Variants in ABI3BP observed in about 807,000 individuals in gnomAD.
The protein encoded by ABI3BP is ABI family member 3 binding protein.
ABI3BP carries 216 observed loss-of-function variants against 268.6 expected under a neutral mutation model. The observed-to-expected ratio is 0.80, with a 90% CI of 0.72 to 0.90. The LOEUF (loss-of-function observed/expected upper bound fraction) is 0.90, where lower values mean the gene tolerates loss of function less well. ABI3BP is among the 40% of genes least tolerant of loss of function. ABI3BP has a pLI of 0.00. For synonymous variants in ABI3BP, 730 were observed against 730.0 expected, an observed-to-expected ratio of 1.00 and a Z score of 0.00; for missense variants, 2,090 against 2,182.4, an observed-to-expected ratio of 0.96 and a Z score of 0.84.
intron 51 of ABI3BP, among the ~76,000 whole-genome samples, chr3:100,798,572 T>G (rs1163559388): frequency 1.2e-4 from 18 of 151,900 alleles, no homozygotes; most frequent in Non-Finnish European, 7.4e-5. Context: ...TTATTATAAT[T>G]TTAGATTTAA....
intron 2 of ABI3BP, chr3:100,911,188 C>T (rs1386458306): frequency 1.0e-5 from 4 of 395,030 alleles, no homozygotes; most frequent in Non-Finnish European, 1.9e-5. Context: ...ACTAGCTGGA[C>T]TAGCTTCAGG....
At chr3:100,948,905 T>C (rs1362042089) in intron 1 of ABI3BP, among the ~76,000 whole-genome samples, 1 of 152,176 alleles carries the variant, frequency 6.6e-6, no homozygotes, top group East Asian at 1.9e-4. Context: ...CTTGTACACA[T>C]TCATTTTAAT....
rs2152504280 is a variant in ABI3BP at position 100,812,480 on chromosome 3, T to C, written c.3408A>G (p.Pro1136=). 1 of 1,324,074 alleles carries C rather than the reference T, an allele frequency of 7.6e-7. No homozygotes were observed. Among genetic ancestry groups the C allele is most frequent in the Non-Finnish European group, 9.6e-7 (1 of 1,038,214 alleles). 82.0% of individuals were successfully genotyped at this position (1,324,074 alleles called of 1,614,324 possible). Residue 1136 remains proline, a synonymous_variant, in exon 46 of 68, where the codon CCA becomes CCG. Transcript: ENST00000471714. The part of the protein sequence containing the change: ...LESVTLSTES[P]KETIAPAKTD... ...GAACATTTTTACCTATGGTCTCCTT[T>C]GGTGACTCAGTACTAAGTGTAACCG...
intron 3 of ABI3BP, among the ~76,000 whole-genome samples, chr3:100,901,283 T>A (rs927294737): frequency 6.6e-6 from 1 of 152,202 alleles, no homozygotes; most frequent in African/African-American, 2.4e-5. Flanking sequence ...GGGAGGGAAT[T>A]GTGGCAACTA....
chr3:100,756,550 A>T (rs2095628218), intron 63 of ABI3BP, among the ~76,000 whole-genome samples: 1 of 152,186 alleles, frequency 6.6e-6, no homozygotes, highest in South Asian at 2.1e-4. Flanking sequence ...CAAAACAAAA[A>T]AGCCCATAGA....
Position 100,769,459 on chromosome 3 carries a change from A to G in ABI3BP, c.4741+1284T>C, listed in dbSNP as rs78507286. Among the ~76,000 whole-genome samples, 247 of 152,330 alleles carry G rather than the reference A, an allele frequency of 1.6e-3. 7 individuals carry two copies. The East Asian group carries it at 0.045, about 28-fold the overall frequency. ...AGAAAGGCCAATTCTTCAGCTTAAT[A>G]AAGTTACATCGGATATTATGAATAT... On this transcript the variant is annotated intron_variant, in intron 62 of 67. Coordinates refer to ENST00000471714, the MANE Select transcript of ABI3BP (RefSeq NM_001375547.2).
intron 20 of ABI3BP, among the ~76,000 whole-genome samples, chr3:100,843,106 T>C (rs2098725166): frequency 1.3e-5 from 2 of 152,134 alleles, no homozygotes; most frequent in Non-Finnish European, 2.9e-5. Context: ...ACTACTTCAA[T>C]GGAAAAATAT....
intron 50 of ABI3BP, 84 bp from the exon 51 acceptor site, chr3:100,804,950 G>A (rs2097660331): frequency 9.2e-7 from 1 of 1,089,530 alleles, no homozygotes; most frequent in Non-Finnish European, 1.4e-6. Flanking sequence ...TCAAGGTGTA[G>A]CCTGAACACT....
intron 1 of ABI3BP, among the ~76,000 whole-genome samples, chr3:100,954,605 C>T (rs973026235): frequency 6.6e-6 from 1 of 152,084 alleles, no homozygotes; most frequent in Admixed American, 6.5e-5. Flanking sequence ...AGGTACTTTA[C>T]AATATAAGTC....
At position 100,931,510 on chromosome 3, in the gene ABI3BP, G is replaced by A. The variant is rs115079229; in HGVS notation, c.80-5029C>T. On this transcript the variant is annotated intron_variant, in intron 1 of 67. Transcript: ENST00000471714. ...TGATAAACAACTTCAGCAAGTTTCA[G>A]GATACAAAATCAATGGACAAAAATT... Among the ~76,000 whole-genome samples, 1,009 of 152,104 alleles carry A rather than the reference G, an allele frequency of 6.6e-3. 8 individuals carry two copies. Among genetic ancestry groups the A allele is most frequent in the African/African-American group, 0.021 (875 of 41,520 alleles).
Position 100,792,717 on chromosome 3 carries a change from G to T in ABI3BP, c.3998C>A (p.Thr1333Lys). The T allele has an allele frequency of 6.2e-7, 1 of 1,611,598 alleles. No individual in the cohort carries two copies. The highest frequency in any genetic ancestry group is 1.1e-5 in the South Asian group (1 of 91,008). Residue 1333 changes from threonine to lysine, a missense_variant, in exon 55 of 68, where the codon ACA becomes AAA. Thr to Lys is a moderately conservative substitution (Grantham distance 78). Transcript: ENST00000471714. ...QEPFTTKIPR[T>K]TELAKTTQAP... The stretch of plus-strand genomic sequence containing the variant: ...CTGAGTTGTCTTTGCTAGTTCAGTT[G>T]TTCGTGGAATCTTAGTTGTGAAAGG...
chr3:100,840,720 G>T, intron 22 of ABI3BP, 100 bp downstream of exon 22: 1 of 1,050,664 alleles, frequency 9.5e-7, no homozygotes, highest in Non-Finnish European at 1.4e-6. Flanking sequence ...CACACACAAA[G>T]GGACATTAAT....
chr3:100,981,109 A>G (rs962293841), intron 1 of ABI3BP, among the ~76,000 whole-genome samples: 2 of 152,228 alleles, frequency 1.3e-5, no homozygotes, highest in African/African-American at 4.8e-5. Flanking sequence ...AATCTGATAT[A>G]CACAGAGCTG....
intron 31 of ABI3BP, among the ~76,000 whole-genome samples, chr3:100,832,012 C>T (rs550203342): frequency 6.6e-5 from 10 of 152,152 alleles, no homozygotes; most frequent in African/African-American, 1.7e-4. Context: ...TGTGCTGGCT[C>T]AATACTGAGC....
intron 6 of ABI3BP, among the ~76,000 whole-genome samples, chr3:100,882,557 A>G (rs2039915710): frequency 6.6e-6 from 1 of 152,010 alleles, no homozygotes; most frequent in Non-Finnish European, 1.5e-5. Flanking sequence ...AATAACAAAG[A>G]GTTTTAAACT....
At chr3:100,864,500 T>C in intron 11 of ABI3BP, 1 of 320,512 alleles carries the variant, frequency 3.1e-6, no homozygotes, top group Non-Finnish European at 5.7e-6. Flanking sequence ...GAGTCAAGAC[T>C]TCCAGGTTTC....
At chr3:100,823,675 A>G (rs889794471) in intron 36 of ABI3BP, among the ~76,000 whole-genome samples, 161 bp from the exon 37 acceptor site, 1 of 152,196 alleles carries the variant, frequency 6.6e-6, no homozygotes, top group Non-Finnish European at 1.5e-5. Flanking sequence ...TTCATTGATG[A>G]TTTGGCCAAA....
At chr3:100,964,031 A>G (rs2080251064) in intron 1 of ABI3BP, among the ~76,000 whole-genome samples, 1 of 152,202 alleles carries the variant, frequency 6.6e-6, no homozygotes. Flanking sequence ...AGTTAAGAAG[A>G]AATCACTTAG....
intron 14 of ABI3BP, 78 bp downstream of exon 14, chr3:100,862,233 T>A: frequency 1.1e-6 from 1 of 952,058 alleles, no homozygotes; most frequent in East Asian, 2.6e-5. Flanking sequence ...TGATAATCAA[T>A]TAAGGAACCT....
Sources: gnomAD v4.1 joint callset for allele counts (sites outside exome capture counted in the v4.1 genomes callset) on GRCh38, gnomAD v4.1.1 for gene constraint, MANE v1.5 for transcripts, NCBI Gene and HGNC (gene_info 2026-07-23, HGNC 2026-07-21) for gene names.